BBS9: variants seen among roughly 807,000 people sequenced by gnomAD.
BBS9 encodes Bardet-Biedl syndrome 9.
BBS9 carries 89 observed loss-of-function variants against 117.7 expected under a neutral mutation model. The ratio of observed to expected loss-of-function variants is 0.76; its 90% confidence interval spans 0.64 to 0.90. The LOEUF (loss-of-function observed/expected upper bound fraction) is 0.90, where lower values mean the gene tolerates loss of function less well. Ranked by LOEUF, BBS9 falls within the 40% of genes least tolerant of loss-of-function variation. The probability of loss-of-function intolerance (pLI) is 0.00; values close to 1 mark genes in which losing one functional copy is unlikely to be tolerated. For synonymous variants in BBS9, 379 were observed against 370.9 expected (o/e 1.02, Z -0.25); for missense variants, 982 against 1,042.2 (o/e 0.94, Z 0.80).
intron 21 of BBS9, among the ~76,000 whole-genome samples, chr7:33,562,947 AAGG>A (rs556391059): frequency 6.6e-6 from 1 of 152,142 alleles, no homozygotes; most frequent in South Asian, 2.1e-4. Context: ...GAAAAAGAGA[AAGG>A]AGACCATTCT....
Position 33,168,839 on chromosome 7 carries a change from T to A in BBS9, c.329-8639T>A, listed in dbSNP as rs1209524301. Among the ~76,000 whole-genome samples the A allele has an allele frequency of 2.0e-5, 3 of 152,206 alleles. No homozygotes were observed. The South Asian group carries it at 6.2e-4, about 31-fold the overall frequency. On this transcript the variant is annotated intron_variant, in intron 4 of 22. Transcript: ENST00000242067. ...TTATTTTTTATTGTACTTTAAGTTT[T>A]AGGGTACATGTGCACATTGTGCAGG... is the stretch of plus-strand genomic sequence containing the variant.
intron 5 of BBS9, among the ~76,000 whole-genome samples, chr7:33,253,301 T>C (rs1562881275): frequency 6.6e-6 from 1 of 152,152 alleles, no homozygotes; most frequent in Non-Finnish European, 1.5e-5. Flanking sequence ...AAGACTAGAC[T>C]TAATGATGGC....
intron 20 of BBS9, among the ~76,000 whole-genome samples, chr7:33,532,521 G>A (rs767935187): frequency 6.6e-6 from 1 of 152,136 alleles, no homozygotes; most frequent in Non-Finnish European, 1.5e-5. Flanking sequence ...GAGAGAATGA[G>A]TGCCAGCAGG....
chr7:33,472,272 T>C (rs1405772518), intron 19 of BBS9, among the ~76,000 whole-genome samples: 3 of 152,162 alleles, frequency 2.0e-5, no homozygotes, highest in African/African-American at 7.2e-5. Context: ...AAGAAGTAGA[T>C]GAGGAGCAAA....
chr7:33,408,316 C>A (rs989125939), intron 19 of BBS9, among the ~76,000 whole-genome samples: 6 of 152,130 alleles, frequency 3.9e-5, no homozygotes, highest in Non-Finnish European at 2.9e-5. Context: ...GTGGGAGTGG[C>A]CTGATTTTCC....
intron 4 of BBS9, among the ~76,000 whole-genome samples, chr7:33,165,508 C>A (rs768248185): frequency 6.6e-6 from 1 of 151,818 alleles, no homozygotes; most frequent in Non-Finnish European, 1.5e-5. Flanking sequence ...TTCCATATTT[C>A]TTGGAGGCTT....
intron 5 of BBS9, among the ~76,000 whole-genome samples, chr7:33,199,737 G>A (rs753282547): frequency 5.3e-5 from 8 of 151,344 alleles, no homozygotes; most frequent in East Asian, 3.9e-4. Context: ...GGTTCAATTC[G>A]CTGCAGGGCT....
intron 21 of BBS9, among the ~76,000 whole-genome samples, chr7:33,558,970 C>G (rs1182665970): frequency 6.6e-6 from 1 of 152,170 alleles, no homozygotes; most frequent in East Asian, 1.9e-4. Context: ...GCATTCCTGA[C>G]CTTCTTCCCC....
intron 21 of BBS9, among the ~76,000 whole-genome samples, chr7:33,590,453 T>TTTTTTGCTTTTTTG (rs1563412367): frequency 1.8e-4 from 19 of 108,452 alleles, no homozygotes; most frequent in Admixed American, 6.6e-4. Flanking sequence ...GTTTTTTTGT[T>TTTTTTGCTTTTTTG]TTTTTGTTTT....
chr7:33,484,546 C>T (rs1348320362), intron 19 of BBS9, among the ~76,000 whole-genome samples: 5 of 152,162 alleles, frequency 3.3e-5, no homozygotes, highest in Non-Finnish European at 7.4e-5. Context: ...AAAAGCTCAA[C>T]ATCACTGGTC....
At chr7:33,512,777 A>G (rs950099017) in intron 20 of BBS9, among the ~76,000 whole-genome samples, 1 of 152,190 alleles carries the variant, frequency 6.6e-6, no homozygotes, top group Non-Finnish European at 1.5e-5. Context: ...GTGGACCACA[A>G]CATGTGGCTC....
At chr7:33,302,252 C>T (rs189178125) in intron 9 of BBS9, among the ~76,000 whole-genome samples, 1 of 152,184 alleles carries the variant, frequency 6.6e-6, no homozygotes, top group East Asian at 1.9e-4. Context: ...TTGATTGTTT[C>T]CTTCACTGTA....
rs112641518 is a variant in BBS9, at chr7:33,411,068, A to G, written c.2115+22924A>G. Reference sequence around the variant, plus strand: ...CTCCAATATAGTGCAGACCCTGTATATGCATACGGGAATAATTATATGCAG... The same window carrying G: ...CTCCAATATAGTGCAGACCCTGTATGTGCATACGGGAATAATTATATGCAG... On this transcript the variant is annotated intron_variant, in intron 19 of 22. Coordinates refer to ENST00000242067, the MANE Select transcript of BBS9 (RefSeq NM_198428.3). 3.0e-3 allele frequency among the ~76,000 whole-genome samples: 396 copies of G among 131,978 alleles called. 1 individual carries two copies. The highest frequency in any genetic ancestry group is 0.011 in the African/African-American group (376 of 35,094). The allele number at this position is 131,978 out of a possible 152,430, so 86.6% of individuals were successfully genotyped here. A position where few individuals can be genotyped will look rare whatever the true frequency, so the allele number is the denominator to read the frequency against.
intron 11 of BBS9, among the ~76,000 whole-genome samples, chr7:33,342,679 C>T (rs1379722780): frequency 4.6e-5 from 7 of 152,062 alleles, no homozygotes; most frequent in Non-Finnish European, 1.0e-4. Flanking sequence ...AAACATTAGC[C>T]CTACAATTTA....
At position 33,618,060 on chromosome 7, in the gene BBS9, C is replaced by T. The variant is rs187229369; in HGVS notation, c.2522-17117C>T. Among the ~76,000 whole-genome samples the T allele has an allele frequency of 4.6e-5, 7 of 152,238 alleles. No homozygotes were observed. In the East Asian group the frequency reaches 1.4e-3, roughly 29 times the overall value. The stretch of plus-strand genomic sequence containing the variant: ...TCAGGTTTAAATGAAAGGACACATG[C>T]TGGGCATGGTGTCTCATGCCTGTAA... On this transcript the variant is annotated intron_variant, in intron 21 of 21. Transcript: ENST00000671952.
intron 21 of BBS9, among the ~76,000 whole-genome samples, chr7:33,618,296 G>A (rs1014587619): frequency 6.6e-6 from 1 of 151,586 alleles, no homozygotes; most frequent in African/African-American, 2.4e-5. Flanking sequence ...AGTGAGCTGT[G>A]ATCGCATCAC....
chr7:33,443,198 A>G (rs748778267), intron 19 of BBS9, among the ~76,000 whole-genome samples: 29 of 152,130 alleles, frequency 1.9e-4, no homozygotes, highest in Non-Finnish European at 4.0e-4. Flanking sequence ...ATATCTTAAA[A>G]CCCAAACCCT....
intron 21 of BBS9, among the ~76,000 whole-genome samples, chr7:33,632,748 A>G (rs1366292312): frequency 6.6e-6 from 1 of 152,008 alleles, no homozygotes; most frequent in Non-Finnish European, 1.5e-5. Context: ...TGTTGGCTTT[A>G]ATGTACATAG....
intron 2 of BBS9, among the ~76,000 whole-genome samples, chr7:33,152,182 C>T (rs1793441736): frequency 6.6e-6 from 1 of 152,194 alleles, no homozygotes; most frequent in Non-Finnish European, 1.5e-5. Flanking sequence ...GGGGTTATGA[C>T]TTTAACGTAT....
Sources: allele counts gnomAD v4.1 joint callset (sites outside exome capture counted in the v4.1 genomes callset), GRCh38; gene constraint gnomAD v4.1.1; transcripts MANE v1.5; gene names NCBI Gene and HGNC (gene_info 2026-07-23, HGNC 2026-07-21).